Variants in ATPAF2 observed in about 807,000 individuals in gnomAD.
ATPAF2 encodes the protein ATP synthase mitochondrial F1 complex assembly factor 2.
ATPAF2 carries 30 observed loss-of-function variants against 36.6 expected under a neutral mutation model. The observed-to-expected ratio is 0.82, with a 90% CI of 0.61 to 1.11. The LOEUF is 1.11. ATPAF2 is among the 50% of genes most tolerant of loss of function. The pLI is 0.00. For missense variants in ATPAF2, 321 were observed against 372.3 expected (o/e 0.86, Z 1.13); for synonymous variants, 140 against 152.6 (o/e 0.92, Z 0.61).
rs2044518806 is a variant in ATPAF2 at position 18,024,642 on chromosome 17, A to C, written c.485T>G (p.Ile162Ser). The part of the protein sequence containing the change: ...ELQRNEWDPI[I>S]EWAEKRYGVE... ...ATCTTACCTTTTCTCAGCCCATTCG[A>C]TGATTGGATCCCACTCATTCCTTTG... is the stretch of plus-strand genomic sequence containing the variant. Residue 162 changes from isoleucine to serine, a missense_variant, in exon 5 of 8, where the codon ATC (isoleucine) becomes AGC (serine). Around this residue, in one of 3 missense-constraint regions of ATPAF2, gnomAD observed 199 missense variants for 220.6 expected, o/e 0.90. Coordinates refer to ENST00000474627, the MANE Select transcript of ATPAF2 (RefSeq NM_145691.4). 6.2e-7 allele frequency: 1 copy of C among 1,613,832 alleles called. No individual in the cohort carries two copies. Among genetic ancestry groups the C allele is most frequent in the Admixed American group, 1.7e-5 (1 of 59,996 alleles).
intron 4 of ATPAF2, chr17:18,025,089 C>G (rs1374251162): frequency 2.9e-6 from 1 of 345,676 alleles, no homozygotes; most frequent in African/African-American, 2.1e-5. Flanking sequence ...CAGATCCAAT[C>G]TACTAACTGC....
At chr17:18,029,375 C>T (rs1259725800) in intron 1 of ATPAF2, among the ~76,000 whole-genome samples, 2 of 152,198 alleles carry the variant, frequency 1.3e-5, no homozygotes, top group African/African-American at 4.8e-5. Context: ...CAACTGATAA[C>T]AAAGAAGTCA....
chr17:18,020,283 A>G (rs750704691), intron 7 of ATPAF2, among the ~76,000 whole-genome samples: 6 of 152,266 alleles, frequency 3.9e-5, no homozygotes, highest in Non-Finnish European at 5.9e-5. Flanking sequence ...CAAAACTTGT[A>G]TACAAACAGC....
At chr17:18,031,012 G>C (rs547731097) in intron 1 of ATPAF2, among the ~76,000 whole-genome samples, 1 of 117,502 alleles carries the variant, frequency 8.5e-6, no homozygotes, top group Admixed American at 1.1e-4. Context: ...TCACTTTGTC[G>C]CCCAGGCTGT....
downstream of ATPAF2, chr17:18,016,710 C>G (rs2044378577): frequency 1.5e-6 from 2 of 1,346,466 alleles, no homozygotes; most frequent in Non-Finnish European, 2.1e-6. Flanking sequence ...AAACATAGCA[C>G]CAGCCCCAGC....
downstream of ATPAF2, chr17:18,016,652 G>T (rs771355481): frequency 1.2e-6 from 2 of 1,612,304 alleles, no homozygotes; most frequent in Non-Finnish European, 1.7e-6. Flanking sequence ...AACCTGGAAT[G>T]TGGCGACATC....
rs2044753001 is a variant in ATPAF2, at chr17:18,039,153, C to T, written c.-140G>A. ...CAGAGCCCTCAACCTCCCTTGGACG[C>T]CGCCATCTTCCGCATGACACCTACG... On this transcript the variant is annotated 5_prime_UTR_variant, in exon 1 of 8. Coordinates refer to ENST00000474627, the MANE Select transcript of ATPAF2 (RefSeq NM_145691.4). The surrounding 1 kb of genome is among the most constrained non-coding windows in gnomAD (Gnocchi z 5.3). 6 of 1,211,550 alleles carry T rather than the reference C, an allele frequency of 5.0e-6. No homozygotes were observed. The Admixed American group carries it at 1.0e-4, about 21-fold the overall frequency. 75.0% of individuals were successfully genotyped at this position (1,211,550 alleles called of 1,614,324 possible).
At chr17:18,027,996 G>A (rs1567576028) in intron 3 of ATPAF2, 1 of 573,840 alleles carries the variant, frequency 1.7e-6, no homozygotes, top group African/African-American at 1.9e-5. Flanking sequence ...CATCTGTCCT[G>A]AAACCAAAGG....
At chr17:18,032,929 A>G (rs758143816) in intron 1 of ATPAF2, among the ~76,000 whole-genome samples, 1 of 151,594 alleles carries the variant, frequency 6.6e-6, no homozygotes, top group Non-Finnish European at 1.5e-5. Flanking sequence ...TCTAGAGAGC[A>G]GTTGTGGACT....
intron 7 of ATPAF2, among the ~76,000 whole-genome samples, chr17:18,020,074 A>G (rs761997170): frequency 6.6e-6 from 1 of 151,522 alleles, no homozygotes; most frequent in South Asian, 2.1e-4. Context: ...GACTACAAGA[A>G]CTAGGGAAAT....
chr17:18,036,300 G>A (rs1348511380), intron 1 of ATPAF2, among the ~76,000 whole-genome samples: 2 of 152,148 alleles, frequency 1.3e-5, no homozygotes, highest in Non-Finnish European at 2.9e-5. Context: ...CGGGGGCCGG[G>A]CGCGGTGGCT....
Position 18,018,517 on chromosome 17 carries a change from C to T in ATPAF2, c.*32G>A, listed in dbSNP as rs1271237292. The T allele has an allele frequency of 1.9e-6, 3 of 1,611,860 alleles. No homozygotes were observed. The highest frequency in any genetic ancestry group is 4.5e-5 in the East Asian group (2 of 44,880). ...GCCGGGGGAGCTGTGGCTGCACTGCCTCTATCCTGCTGAGTGTGCTCTGCC... is the reference window on the plus strand; with the variant it reads ...GCCGGGGGAGCTGTGGCTGCACTGCTTCTATCCTGCTGAGTGTGCTCTGCC... On this transcript the variant is annotated 3_prime_UTR_variant, in exon 8 of 8. Transcript: ENST00000474627.
At chr17:18,030,529 A>C (rs901787021) in intron 1 of ATPAF2, among the ~76,000 whole-genome samples, 5 of 150,374 alleles carry the variant, frequency 3.3e-5, no homozygotes, top group East Asian at 1.9e-4. Context: ...AAAAAAAAAA[A>C]AAAAAACAAG....
chr17:18,028,273 C>T lies in ATPAF2; in HGVS notation c.283G>A (p.Asp95Asn), dbSNP rs142519569. The T allele has an allele frequency of 6.2e-7, 1 of 1,614,046 alleles. No homozygotes were observed. The highest frequency in any genetic ancestry group is 1.3e-5 in the African/African-American group (1 of 74,904). Residue 95 changes from aspartate to asparagine, a missense_variant, in exon 3 of 8, where the codon GAT becomes AAT. This residue lies in a region of ATPAF2 where 53 missense variants were observed against 91.6 expected (regional missense o/e 0.58). Transcript: ENST00000474627. ...TACTTGATGGTATCCTGCTGGGAAT[C>T]CCACTCAGTAGCCACTGCAATGGCC... The part of the protein sequence containing the change: ...ALAIAVATEW[D>N]SQQDTIKYYT...
intron 5 of ATPAF2, among the ~76,000 whole-genome samples, chr17:18,022,177 G>A (rs959706117): frequency 6.6e-6 from 1 of 152,180 alleles, no homozygotes; most frequent in African/African-American, 2.4e-5. Flanking sequence ...AAGGCCATCT[G>A]CCTTTTACAT....
chr17:18,027,989 C>G, intron 3 of ATPAF2: 1 of 559,586 alleles, frequency 1.8e-6, no homozygotes, highest in Non-Finnish European at 3.2e-6. Flanking sequence ...AAGGTGACAT[C>G]TGTCCTGAAA....
At position 18,038,994 on chromosome 17, in the gene ATPAF2, C is replaced by T. The variant is rs1229368140; in HGVS notation, c.20G>A (p.Arg7Gln). 2 of 1,609,476 alleles carry T rather than the reference C, an allele frequency of 1.2e-6. No homozygotes were observed. Among genetic ancestry groups the T allele is most frequent in the African/African-American group, 2.7e-5 (2 of 74,848 alleles). MWRSCL[R>Q]LRDGGRRLLN... ...GAGACGGCGTCCCCCGTCCCGCAGCCGGAGGCAGCTCCTCCACATCGCGCC... is the reference window on the plus strand; with the variant it reads ...GAGACGGCGTCCCCCGTCCCGCAGCTGGAGGCAGCTCCTCCACATCGCGCC... Residue 7 changes from arginine (R) to glutamine (Q), a missense_variant, in exon 1 of 8, where the codon CGG (arginine) becomes CAG (glutamine). Coordinates refer to ENST00000474627, the MANE Select transcript of ATPAF2 (RefSeq NM_145691.4).
rs369165916 is a variant in ATPAF2, at chr17:18,024,592, G to A, written c.503+32C>T. 16 of 1,589,892 alleles carry A rather than the reference G, an allele frequency of 1.0e-5. No homozygotes were observed. In the African/African-American group the frequency reaches 1.9e-4, roughly 19 times the overall value. ...ACACTCCACCAAACGCAGGTGCCCA[G>A]TCAGTGCTTTCTGCAGGGCTGTACA... On this transcript the variant is annotated intron_variant, in intron 5 of 7. Coordinates refer to ENST00000474627, the MANE Select transcript of ATPAF2 (RefSeq NM_145691.4).
chr17:18,015,932 C>G, downstream of ATPAF2: 1 of 899,256 alleles, frequency 1.1e-6, no homozygotes, highest in Non-Finnish European at 1.7e-6. Context: ...TGCGCTGATA[C>G]AAAGGTGGGC....
Sources: allele counts gnomAD v4.1 joint callset (sites outside exome capture counted in the v4.1 genomes callset), GRCh38; gene constraint gnomAD v4.1.1; regional missense constraint gnomAD v4.1.1; non-coding constraint Gnocchi (gnomAD v3.1); transcripts MANE v1.5; gene names NCBI Gene and HGNC (gene_info 2026-07-23, HGNC 2026-07-21).